DPP10: variants seen among roughly 807,000 people sequenced by gnomAD.
The protein encoded by DPP10 is dipeptidyl peptidase like 10, also known as inactive dipeptidyl peptidase 10.
A neutral mutation model predicts 120.9 loss-of-function variants in DPP10; 33 were observed. The ratio of observed to expected loss-of-function variants is 0.27; its 90% CI spans 0.21 to 0.37. The LOEUF (loss-of-function observed/expected upper bound fraction) is 0.37, where lower values mean the gene tolerates loss of function less well. Ranked by LOEUF, DPP10 falls within the 10% of genes least tolerant of loss-of-function variation. DPP10 has a pLI of 1.00. For missense variants in DPP10, 816 were observed against 942.8 expected (o/e 0.87, Z 1.76); for synonymous variants, 337 against 326.1 (o/e 1.03, Z -0.36).
At chr2:114,964,194 A>G (rs1698842897) in intron 1 of DPP10, among the ~76,000 whole-genome samples, 1 of 152,254 alleles carries the variant, frequency 6.6e-6, no homozygotes, top group Non-Finnish European at 1.5e-5. Context: ...CTACAAAATT[A>G]AAATGTATTT....
chr2:115,678,086 CTT>C (rs2090400500), intron 5 of DPP10, among the ~76,000 whole-genome samples: 2 of 152,144 alleles, frequency 1.3e-5, no homozygotes, highest in Admixed American at 1.3e-4. Context: ...GAGCATAAAA[CTT>C]TAGAAAATTT....
At chr2:115,836,107 G>A in intron 21 of DPP10, 50 bp from the exon 22 acceptor site, 3 of 912,540 alleles carry the variant, frequency 3.3e-6, no homozygotes, top group Non-Finnish European at 4.5e-6. Context: ...GTATGTGTGT[G>A]TGTGTGTGTG....
At chr2:114,655,516 T>C (rs1262483455) in intron 1 of DPP10, among the ~76,000 whole-genome samples, 3 of 152,176 alleles carry the variant, frequency 2.0e-5, no homozygotes, top group African/African-American at 7.2e-5. Flanking sequence ...CCTTGACTAG[T>C]GCTCTTTTTA....
intron 1 of DPP10, among the ~76,000 whole-genome samples, chr2:114,908,536 A>C (rs909205678): frequency 6.6e-6 from 1 of 151,908 alleles, no homozygotes; most frequent in Non-Finnish European, 1.5e-5. Flanking sequence ...TCTTAATTCC[A>C]GTGAGCTGGA....
At chr2:114,914,332 G>A (rs1032601578) in intron 1 of DPP10, among the ~76,000 whole-genome samples, 2 of 152,168 alleles carry the variant, frequency 1.3e-5, no homozygotes, top group African/African-American at 2.4e-5. Context: ...CACGTACAAA[G>A]GGAACCCTAT....
intron 17 of DPP10, among the ~76,000 whole-genome samples, chr2:115,783,357 TATA>T (rs1394267572): frequency 6.6e-6 from 1 of 152,094 alleles, no homozygotes; most frequent in Non-Finnish European, 1.5e-5. Flanking sequence ...TTCACTACAA[TATA>T]ATAACTACTT....
chr2:114,639,978 A>G lies in DPP10; in HGVS notation c.60+197140A>G, dbSNP rs1695589967. 3.3e-5 allele frequency among the ~76,000 whole-genome samples: 5 copies of G among 151,832 alleles called. No homozygotes were observed. In the South Asian group the frequency reaches 1.0e-3, roughly 31 times the overall value. On this transcript the variant is annotated intron_variant, in intron 1 of 25. Transcript: ENST00000410059. ...TTTTCTTTGATTTTTTTTGTTCTTCACTGTTTCTAAAGCAATTATGGTAGA... is the reference window on the plus strand; with the variant it reads ...TTTTCTTTGATTTTTTTTGTTCTTCGCTGTTTCTAAAGCAATTATGGTAGA...
intron 5 of DPP10, among the ~76,000 whole-genome samples, chr2:115,556,371 T>G (rs2149027639): frequency 6.7e-6 from 1 of 150,160 alleles, no homozygotes; most frequent in South Asian, 2.1e-4. Context: ...CAGGTTTTTT[T>G]TTTTTTTTTT....
At chr2:115,468,147 A>C (rs930538654) in intron 3 of DPP10, 3 of 493,890 alleles carry the variant, frequency 6.1e-6, no homozygotes, top group South Asian at 1.5e-5. Context: ...ACCAACCTTG[A>C]CTTCTAAATG....
chr2:114,915,540 A>G (rs943492560), intron 1 of DPP10, among the ~76,000 whole-genome samples: 1 of 152,214 alleles, frequency 6.6e-6, no homozygotes, highest in African/African-American at 2.4e-5. Flanking sequence ...GTAACATAAT[A>G]TACATTCTCA....
chr2:114,446,471 C>G (rs559993459), intron 1 of DPP10, among the ~76,000 whole-genome samples: 1 of 152,236 alleles, frequency 6.6e-6, no homozygotes, highest in East Asian at 1.9e-4. Flanking sequence ...CTCTGAAATA[C>G]AGTACACAAT....
intron 12 of DPP10, among the ~76,000 whole-genome samples, chr2:115,766,276 CATT>C (rs1241867193): frequency 9.8e-6 from 1 of 101,946 alleles, no homozygotes; most frequent in Non-Finnish European, 2.2e-5. Context: ...CAAAAATACT[CATT>C]ATATATATGT....
At chr2:114,958,018 A>G (rs1164610109) in intron 1 of DPP10, among the ~76,000 whole-genome samples, 2 of 152,196 alleles carry the variant, frequency 1.3e-5, no homozygotes, top group Non-Finnish European at 2.9e-5. Context: ...ATTAAATTTA[A>G]TGGGGTTTAA....
chr2:115,550,286 A>G (rs1488826332), intron 5 of DPP10, among the ~76,000 whole-genome samples: 2 of 152,180 alleles, frequency 1.3e-5, no homozygotes, highest in Non-Finnish European at 2.9e-5. Context: ...TGTACATGGC[A>G]TGCGTATCAT....
chr2:114,897,153 G>A (rs1258239041), intron 1 of DPP10, among the ~76,000 whole-genome samples: 1 of 152,094 alleles, frequency 6.6e-6, no homozygotes, highest in African/African-American at 2.4e-5. Context: ...TTTTATTGAG[G>A]ATTTTTGCAT....
chr2:115,072,036 A>G (rs898862347), intron 1 of DPP10, among the ~76,000 whole-genome samples: 1 of 152,202 alleles, frequency 6.6e-6, no homozygotes, highest in African/African-American at 2.4e-5. Flanking sequence ...GCAGATCTGG[A>G]AAAGACAGGG....
In DPP10 at chr2:115,337,661, T is replaced by TAA. The variant is rs11458121; in HGVS notation, c.176-6131_176-6130dup. Reference sequence around the variant, plus strand: ...CAATGAGACAGGGGGAGGCTGCTCATAAAAAAAAAAAAAAAAAAAAAAAAA... The same window carrying TAA: ...CAATGAGACAGGGGGAGGCTGCTCATAAAAAAAAAAAAAAAAAAAAAAAAAAA... On this transcript the variant is annotated intron_variant, in intron 2 of 25. Coordinates refer to ENST00000410059, the MANE Select transcript of DPP10 (RefSeq NM_020868.6). 3.5e-3 allele frequency among the ~76,000 whole-genome samples: 252 copies of TAA among 71,680 alleles called. 10 individuals are homozygous for TAA. Among genetic ancestry groups the TAA allele is most frequent in the African/African-American group, 4.4e-3 (78 of 17,778 alleles). 47.0% of individuals were successfully genotyped at this position (71,680 alleles called of 152,430 possible).
chr2:115,427,555 C>T (rs947208493), intron 3 of DPP10, among the ~76,000 whole-genome samples: 2 of 152,150 alleles, frequency 1.3e-5, no homozygotes, highest in African/African-American at 4.8e-5. Flanking sequence ...CCACAGCAGC[C>T]ATTATGATAG....
Position 115,762,586 on chromosome 2 carries a change from A to G in DPP10, c.1089A>G (p.Thr363=). The change falls in exon 12 of 26, where the codon ACA becomes ACG. Residue 363 remains threonine, a synonymous_variant. Transcript: ENST00000410059. The part of the protein sequence containing the change: ...TGACSKKYEM[T]SDTWLSQQNE... ...TTTTGTTTCAGAAATATGAGATGAC[A>G]TCAGATACGTGGCTCTCTCAGCAGG... 1.9e-6 allele frequency: 3 copies of G among 1,613,674 alleles called. No individual in the cohort carries two copies. Among genetic ancestry groups the G allele is most frequent in the Non-Finnish European group, 2.5e-6 (3 of 1,179,900 alleles).
Sources: gnomAD v4.1 joint callset for allele counts (sites outside exome capture counted in the v4.1 genomes callset) on GRCh38, gnomAD v4.1.1 for gene constraint, MANE v1.5 for transcripts, NCBI Gene and HGNC (gene_info 2026-07-23, HGNC 2026-07-21) for gene names.